The following TRPS1 variants were observed in gnomAD, a reference collection of about 807,000 sequenced individuals.
TRPS1 encodes transcriptional repressor GATA binding 1.
TRPS1 carries 6 observed loss-of-function variants against 101.2 expected under a neutral mutation model. The observed-to-expected ratio is 0.06, with a 90% CI of 0.03 to 0.12. TRPS1 has a LOEUF of 0.12. TRPS1 is among the 10% of genes least tolerant of loss of function. TRPS1 has a pLI of 1.00. For missense variants in TRPS1, 1,363 were observed against 1,567.0 expected, an observed-to-expected ratio of 0.87 and a Z score of 2.20; for synonymous variants, 578 against 589.8, an observed-to-expected ratio of 0.98 and a Z score of 0.29.
chr8:115,601,919 T>G (rs940502810), intron 4 of TRPS1, among the ~76,000 whole-genome samples: 1 of 152,214 alleles, frequency 6.6e-6, no homozygotes, highest in African/African-American at 2.4e-5. Flanking sequence ...AAAAGAATAG[T>G]TCTCTTTTCT....
intron 1 of TRPS1, among the ~76,000 whole-genome samples, chr8:115,642,800 G>A (rs1319053662): frequency 2.0e-5 from 3 of 147,838 alleles, no homozygotes; most frequent in African/African-American, 7.5e-5. Context: ...AGACATATTT[G>A]GTTAATGTTT....
chr8:115,622,774 G>A (rs73365595), intron 2 of TRPS1, among the ~76,000 whole-genome samples: 2,628 of 152,120 alleles, frequency 0.017, 71 homozygotes, highest in African/African-American at 0.059. Context: ...ACAAAGAAAT[G>A]AGGAAGAAAT....
At chr8:115,502,315 G>A (rs1328088583) in intron 5 of TRPS1, among the ~76,000 whole-genome samples, 2 of 152,136 alleles carry the variant, frequency 1.3e-5, no homozygotes, top group Non-Finnish European at 2.9e-5. Context: ...TAAAACAGAT[G>A]AGAAAACCTT....
In TRPS1 at chr8:115,481,534, C is replaced by G. The variant is rs115526583; in HGVS notation, c.2701-63082G>C. ...TGATTCAAACACTAGAGAGCCTCAT[C>G]TAACTGTACCAGATCATCAAAAAAC... On this transcript the variant is annotated intron_variant, in intron 5 of 6. Coordinates refer to ENST00000395715, the MANE Select transcript of TRPS1 (RefSeq NM_014112.5). 9.3e-3 allele frequency among the ~76,000 whole-genome samples: 1,423 copies of G among 152,234 alleles called. 22 individuals are homozygous for G. Among genetic ancestry groups the G allele is most frequent in the African/African-American group, 0.032 (1,348 of 41,540 alleles).
intron 5 of TRPS1, chr8:115,511,121 T>C (rs1348205014): frequency 6.6e-6 from 1 of 151,920 alleles, no homozygotes; most frequent in Non-Finnish European, 1.5e-5. Flanking sequence ...GAAATTATTG[T>C]CTTTCTGGTG....
chr8:115,632,829 C>A (rs2721952), intron 1 of TRPS1, among the ~76,000 whole-genome samples: 1 of 151,848 alleles, frequency 6.6e-6, no homozygotes, highest in African/African-American at 2.4e-5. Flanking sequence ...TCCTGGAGGA[C>A]GAAGAAAGAG....
chr8:115,522,640 T>C (rs913306632), intron 5 of TRPS1, among the ~76,000 whole-genome samples: 8 of 152,094 alleles, frequency 5.3e-5, no homozygotes, highest in Non-Finnish European at 7.4e-5. Context: ...GAAATTTTGG[T>C]AAGTTGATAG....
At chr8:115,431,703 T>C (rs1813322833) in intron 5 of TRPS1, among the ~76,000 whole-genome samples, 1 of 151,944 alleles carries the variant, frequency 6.6e-6, no homozygotes, top group African/African-American at 2.4e-5. Flanking sequence ...TAGCTGCAGG[T>C]AGCTTTCTTC....
chr8:115,462,605 G>GT (rs1191094268), intron 5 of TRPS1, among the ~76,000 whole-genome samples: 30 of 146,460 alleles, frequency 2.0e-4, no homozygotes, highest in African/African-American at 7.5e-4. Context: ...AAATAAAGAG[G>GT]TTTTTGTTGT....
intron 5 of TRPS1, among the ~76,000 whole-genome samples, chr8:115,491,356 T>G (rs1278980342): frequency 6.6e-6 from 1 of 152,208 alleles, no homozygotes; most frequent in Non-Finnish European, 1.5e-5. Flanking sequence ...AGTGGCAATA[T>G]GTACAGGGTG....
intron 5 of TRPS1, among the ~76,000 whole-genome samples, chr8:115,533,872 T>C (rs956341188): frequency 6.6e-6 from 1 of 152,106 alleles, no homozygotes; most frequent in East Asian, 1.9e-4. Flanking sequence ...GAGTCAGAGA[T>C]AGAGCAAGCC....
intron 5 of TRPS1, among the ~76,000 whole-genome samples, chr8:115,554,143 C>G (rs1055190128): frequency 6.6e-6 from 1 of 152,144 alleles, no homozygotes; most frequent in Non-Finnish European, 1.5e-5. Flanking sequence ...ATTCACTAAA[C>G]TAGTTCCTCA....
Position 115,587,369 on chromosome 8 carries a change from C to G in TRPS1, c.2332G>C (p.Val778Leu). The G allele has an allele frequency of 6.2e-7, 1 of 1,614,210 alleles. No individual in the cohort carries two copies. ...TTCTCTTCCAGCTTCTCTCTCTTCA[C>G]CACACTCTCAGAAACTGGCTCTCCC... ...KMGEPVSESV[V>L]KREKLEEKDG... is the part of the protein sequence containing the mutation. Residue 778 changes from valine to leucine, a missense_variant, in exon 5 of 7, where the codon GTG becomes CTG. Val to Leu is a conservative substitution (Grantham distance 32, BLOSUM62 1). Transcript: ENST00000395715.
intron 6 of TRPS1, among the ~76,000 whole-genome samples, chr8:115,415,340 T>C (rs1335157049): frequency 6.6e-6 from 1 of 152,138 alleles, no homozygotes; most frequent in African/African-American, 2.4e-5. Context: ...AAAATAACCT[T>C]TCCAGATGCA....
intron 5 of TRPS1, among the ~76,000 whole-genome samples, chr8:115,480,141 CAG>C (rs1814715240): frequency 6.6e-6 from 1 of 152,068 alleles, no homozygotes. Flanking sequence ...GAAAGTCAGA[CAG>C]ATTAAAATTA....
intron 5 of TRPS1, among the ~76,000 whole-genome samples, chr8:115,436,444 T>A (rs147856292): frequency 6.6e-6 from 1 of 152,306 alleles, no homozygotes; most frequent in East Asian, 1.9e-4. Context: ...TAGGGTCTTG[T>A]TGGGCAAACT....
At chr8:115,594,282 GCAAA>G (rs1817739855) in intron 4 of TRPS1, among the ~76,000 whole-genome samples, 1 of 151,968 alleles carries the variant, frequency 6.6e-6, no homozygotes, top group African/African-American at 2.4e-5. Flanking sequence ...CACACTGACA[GCAAA>G]CACTGTCTTC....
intron 2 of TRPS1, 51 bp from the exon 3 acceptor site, chr8:115,620,111 A>C: frequency 6.4e-7 from 1 of 1,568,966 alleles, no homozygotes; most frequent in Non-Finnish European, 8.8e-7. Context: ...AAAGTTACAG[A>C]GATACAGTTG....
Position 115,521,972 on chromosome 8 carries a change from G to T in TRPS1, c.2700+65029C>A, listed in dbSNP as rs139321554. ...ATCTAAACTTAAACGTATTATAAAC[G>T]TTTACTGCTAACAACAATGTCGAGC... On this transcript the variant is annotated intron_variant, in intron 5 of 6. Transcript: ENST00000395715. Among the ~76,000 whole-genome samples, 4 of 151,896 alleles carry T rather than the reference G, an allele frequency of 2.6e-5. No individual in the cohort carries two copies. In the South Asian group the frequency reaches 6.2e-4, roughly 24 times the overall value.
Sources: gnomAD v4.1 joint callset for allele counts (sites outside exome capture counted in the v4.1 genomes callset) on GRCh38, gnomAD v4.1.1 for gene constraint, MANE v1.5 for transcripts, NCBI Gene and HGNC (gene_info 2026-07-23, HGNC 2026-07-21) for gene names.